Variants in NKIRAS1 observed in about 807,000 individuals in gnomAD.
NKIRAS1 encodes NFKB inhibitor interacting Ras like 1, also known as NF-kappa-B inhibitor-interacting Ras-like protein 1.
NKIRAS1 carries 16 observed loss-of-function variants against 19.8 expected under a neutral mutation model. The ratio of observed to expected loss-of-function variants is 0.81; its 90% CI spans 0.55 to 1.23. The LOEUF is 1.23. Ranked by LOEUF, NKIRAS1 falls within the 50% of genes most tolerant of loss-of-function variation. The pLI is 0.00. For synonymous variants in NKIRAS1, 88 were observed against 79.0 expected, an observed-to-expected ratio of 1.11 and a Z score of -0.61; for missense variants, 184 against 220.0, an observed-to-expected ratio of 0.84 and a Z score of 1.04.
upstream of NKIRAS1, among the ~76,000 whole-genome samples, chr3:23,921,292 C>T (rs529108307): frequency 3.3e-5 from 5 of 152,328 alleles, no homozygotes; most frequent in East Asian, 7.7e-4. Context: ...TTGATCATGG[C>T]ACTCCCGTGC....
chr3:23,896,194 C>A (rs1255844854), intron 4 of NKIRAS1, among the ~76,000 whole-genome samples: 2 of 150,778 alleles, frequency 1.3e-5, no homozygotes, highest in African/African-American at 4.9e-5. Flanking sequence ...AACAACCTAC[C>A]ATCTTCCAAG....
At chr3:23,901,324 G>A (rs1307296704) in intron 3 of NKIRAS1, among the ~76,000 whole-genome samples, 1 of 151,804 alleles carries the variant, frequency 6.6e-6, no homozygotes, top group Admixed American at 6.6e-5. Context: ...TCCCAGCTGG[G>A]ACTACAGGTG....
chr3:23,899,297 T>C (rs1168671698), intron 4 of NKIRAS1, among the ~76,000 whole-genome samples: 1 of 152,174 alleles, frequency 6.6e-6, no homozygotes, highest in Non-Finnish European at 1.5e-5. Context: ...ACTAGAGTTT[T>C]GAAGATGGTA....
Position 23,929,209 on chromosome 3 carries a change from A to C in NKIRAS1, c.-140+17114T>G, listed in dbSNP as rs537630147. ...AAACCTCGTCTCTACTAAAAGTACAAAAAAATTAGCAGGGCATGGTGGCAG... is the reference window on the plus strand; with the variant it reads ...AAACCTCGTCTCTACTAAAAGTACACAAAAATTAGCAGGGCATGGTGGCAG... On this transcript the variant is annotated intron_variant, in intron 1 of 4. Transcript: ENST00000421515. 2.6e-5 allele frequency among the ~76,000 whole-genome samples: 4 copies of C among 151,334 alleles called. No homozygotes were observed. In the East Asian group the frequency reaches 7.9e-4, roughly 30 times the overall value.
chr3:23,928,800 T>G (rs1705255640), intron 1 of NKIRAS1, among the ~76,000 whole-genome samples: 1 of 149,614 alleles, frequency 6.7e-6, no homozygotes, highest in African/African-American at 2.5e-5. Flanking sequence ...AAGACCTGCC[T>G]AGGCAACACG....
chr3:23,928,689 TAAAAAA>T (rs10715656), intron 1 of NKIRAS1, among the ~76,000 whole-genome samples: 1 of 116,882 alleles, frequency 8.6e-6, no homozygotes. Context: ...GATTTAGGCT[TAAAAAA>T]AAAAAAAAAA....
At chr3:23,919,474 T>C (rs1385305575), upstream of NKIRAS1, 2 of 1,596,218 alleles carry the variant, frequency 1.3e-6, no homozygotes, top group Non-Finnish European at 8.5e-7. Context: ...GAAGGCGCAA[T>C]ACTCTCCAGC....
intron 3 of NKIRAS1, among the ~76,000 whole-genome samples, chr3:23,902,743 C>T (rs1702641971): frequency 1.3e-5 from 2 of 152,268 alleles, no homozygotes; most frequent in East Asian, 3.9e-4. Context: ...GGGCAACTAC[C>T]CATCTCGCAC....
At position 23,893,280 on chromosome 3, in the gene NKIRAS1, C is replaced by T. The variant is rs761465500; in HGVS notation, c.394G>A (p.Ala132Thr). 51 of 1,614,022 alleles carry T rather than the reference C, an allele frequency of 3.2e-5. No individual in the cohort carries two copies. The highest frequency in any genetic ancestry group is 4.0e-5 in the Non-Finnish European group (47 of 1,179,892). Residue 132 changes from alanine to threonine, a missense_variant, in exon 5 of 5, where the codon GCT becomes ACT. Coordinates refer to ENST00000425478, the MANE Select transcript of NKIRAS1 (RefSeq NM_020345.4). ...TTTGCCCACTGCTGTGCCACTTCAG[C>T]GTCCACTTGTCTCTGCTCAGAAAGG... is the stretch of plus-strand genomic sequence containing the variant. ...IDLSEQRQVD[A>T]EVAQQWAKSE...
upstream of NKIRAS1, chr3:23,918,412 C>A (rs1265788076): frequency 1.9e-6 from 3 of 1,606,102 alleles, no homozygotes; most frequent in South Asian, 2.2e-5. Context: ...CCTATAAAAT[C>A]ACTAATTTCG....
chr3:23,943,215 T>C (rs1197175519), intron 1 of NKIRAS1, among the ~76,000 whole-genome samples: 1 of 152,238 alleles, frequency 6.6e-6, no homozygotes, highest in East Asian at 1.9e-4. Flanking sequence ...CTGATCTTTC[T>C]ACTGTCTCCA....
At chr3:23,933,327 C>A (rs1705345847) in intron 1 of NKIRAS1, among the ~76,000 whole-genome samples, 1 of 152,222 alleles carries the variant, frequency 6.6e-6, no homozygotes, top group African/African-American at 2.4e-5. Flanking sequence ...GTAAATTACT[C>A]TATCCCAGTG....
intron 1 of NKIRAS1, among the ~76,000 whole-genome samples, chr3:23,945,927 T>C (rs1705674001): frequency 6.8e-6 from 1 of 147,480 alleles, no homozygotes. Context: ...TGACGCGGCA[T>C]TACATAATGG....
At chr3:23,928,820 C>G (rs1454910033) in intron 1 of NKIRAS1, among the ~76,000 whole-genome samples, 2 of 151,310 alleles carry the variant, frequency 1.3e-5, no homozygotes, top group Non-Finnish European at 2.9e-5. Context: ...GGTGAAGCCC[C>G]GTTTCTAATA....
At chr3:23,918,396 C>CGTAA, upstream of NKIRAS1, 1 of 1,598,068 alleles carries the variant, frequency 6.3e-7, no homozygotes, top group East Asian at 2.2e-5. Flanking sequence ...TTAAGCCTTA[C>CGTAA]GGCTTCCTAT....
chr3:23,916,280 C>T (rs1049205332), intron 1 of NKIRAS1: 3 of 151,926 alleles, frequency 2.0e-5, no homozygotes, highest in African/African-American at 7.3e-5. Context: ...TCTGGAGAAA[C>T]AAAGTAAGCC....
intron 1 of NKIRAS1, among the ~76,000 whole-genome samples, chr3:23,931,531 T>C (rs1705315603): frequency 6.6e-6 from 1 of 152,154 alleles, no homozygotes. Flanking sequence ...CTCCCTTCCC[T>C]GCTTTATTTG....
At chr3:23,921,719 C>A (rs961205352), upstream of NKIRAS1, 1 of 644,682 alleles carries the variant, frequency 1.6e-6, no homozygotes. Context: ...GGACTACAGG[C>A]GCACACTGCC....
At chr3:23,940,997 T>A (rs149810501) in intron 1 of NKIRAS1, among the ~76,000 whole-genome samples, 2,439 of 152,318 alleles carry the variant, frequency 0.016, 23 homozygotes, top group Non-Finnish European at 0.025. Context: ...AATAAGTAGA[T>A]CTTGATATAG....
Sources: allele counts gnomAD v4.1 joint callset (sites outside exome capture counted in the v4.1 genomes callset), GRCh38; gene constraint gnomAD v4.1.1; transcripts MANE v1.5; gene names NCBI Gene and HGNC (gene_info 2026-07-23, HGNC 2026-07-21).